TTF2: variants seen among roughly 807,000 people sequenced by gnomAD.
TTF2 encodes RNA polymerase II termination factor.
Under a neutral mutation model 142.4 loss-of-function variants are expected in TTF2, and 108 were observed. That is an observed-to-expected ratio of 0.76 (90% CI 0.65 to 0.89). The LOEUF (loss-of-function observed/expected upper bound fraction) is 0.89, where lower values mean the gene tolerates loss of function less well. Ranked by LOEUF, TTF2 falls within the 40% of genes least tolerant of loss-of-function variation. The pLI is 0.00. For missense variants in TTF2, 1,327 were observed against 1,379.8 expected (o/e 0.96, Z 0.61); for synonymous variants, 483 against 506.2 (o/e 0.95, Z 0.61).
In TTF2 at chr1:117,090,547, C is replaced by T. The variant is rs772425404; in HGVS notation, c.2512C>T (p.Arg838Cys). Residue 838 changes from arginine to cysteine, a missense_variant, in exon 15 of 23, where the codon CGT (arginine) becomes TGT (cysteine). Transcript: ENST00000369466. The surrounding 1 kb of genome is among the most constrained non-coding windows in gnomAD (Gnocchi z 4.8). ...ATTCTTCCAGGTGATACTGCCCCAG[C>T]GTAAATTTCAGTTGCACCATTTAAA... ...TGRPLVILPQ[R>C]KFQLHHLKLS... 66 of 1,613,574 alleles carry T rather than the reference C, an allele frequency of 4.1e-5. No individual in the cohort carries two copies. In the Middle Eastern group the frequency reaches 4.9e-4, roughly 12 times the overall value.
Position 117,093,659 on chromosome 1 carries a change from T to C in TTF2, c.2976+758T>C, listed in dbSNP as rs116207912. ...GCCTTTTAATTAAAATTTGAAAACA[T>C]TTACCTAGGTCTTTACCACTGATAG... On this transcript the variant is annotated intron_variant, in intron 18 of 22. Coordinates refer to ENST00000369466, the MANE Select transcript of TTF2 (RefSeq NM_003594.4). The surrounding 1 kb of genome is among the most constrained non-coding windows in gnomAD (Gnocchi z 4.5). Among the ~76,000 whole-genome samples, 92 of 152,270 alleles carry C rather than the reference T, an allele frequency of 6.0e-4. No homozygotes were observed. Among genetic ancestry groups the C allele is most frequent in the African/African-American group, 2.2e-3 (91 of 41,552 alleles).
At position 117,076,384 on chromosome 1, in the gene TTF2, C is replaced by A; in HGVS notation, c.1390+90C>A. On this transcript the variant is annotated intron_variant, in intron 6 of 22. Coordinates refer to ENST00000369466, the MANE Select transcript of TTF2 (RefSeq NM_003594.4). This position sits in a 1 kb window ranked among gnomAD's most constrained non-coding sequence, Gnocchi z 4.6. ...CCTTTTAATAAAGAATGTGTTGATT[C>A]ATTCACTTTTCCATTTTATTATCTG... The A allele has an allele frequency of 9.2e-7, 1 of 1,084,872 alleles. No homozygotes were observed. The highest frequency in any genetic ancestry group is 1.3e-6 in the Non-Finnish European group (1 of 751,828). 67.2% of individuals were successfully genotyped at this position (1,084,872 alleles called of 1,614,324 possible).
chr1:117,084,967 AC>A (rs1160723374), intron 11 of TTF2, among the ~76,000 whole-genome samples: 1 of 152,138 alleles, frequency 6.6e-6, no homozygotes, highest in Non-Finnish European at 1.5e-5. Flanking sequence ...AGTTCTCATG[AC>A]TGAGAGTCGC....
chr1:117,090,083 T>A lies in TTF2; in HGVS notation c.2371T>A (p.Phe791Ile). 1.2e-6 allele frequency: 2 copies of A among 1,613,998 alleles called. No individual in the cohort carries two copies. Among genetic ancestry groups the A allele is most frequent in the Non-Finnish European group, 1.7e-6 (2 of 1,179,902 alleles). ...TCTCCGTTGCTCTCCATTTGATGAG[T>A]TCAATCTGTGGAGGAGTCAGGTTGA... is the stretch of plus-strand genomic sequence containing the variant. Reference protein sequence around the residue: ...KFLRCSPFDEFNLWRSQVDNG... With the variant: ...KFLRCSPFDEINLWRSQVDNG... The change falls in exon 14 of 23, where the codon TTC (phenylalanine) becomes ATC (isoleucine). Residue 791 changes from phenylalanine (F) to isoleucine (I), a missense_variant. By Grantham distance (21) the Phe-to-Ile change is conservative. Coordinates refer to ENST00000369466, the MANE Select transcript of TTF2 (RefSeq NM_003594.4). This position sits in a 1 kb window ranked among gnomAD's most constrained non-coding sequence, Gnocchi z 4.8.
Position 117,092,819 on chromosome 1 carries a change from A to G in TTF2, c.2894A>G (p.Asp965Gly). The change falls in exon 18 of 23, where the codon GAC becomes GGC. Residue 965 changes from aspartate to glycine, a missense_variant. Physicochemically the swap from Asp to Gly is moderately conservative, Grantham distance 94. Transcript: ENST00000369466. This position sits in a 1 kb window ranked among gnomAD's most constrained non-coding sequence, Gnocchi z 4.4. ...LSALTLSELRDSEPSSTVSLN... is the reference protein window; with the variant it reads ...LSALTLSELRGSEPSSTVSLN... ...GCTTTGACCTTGTCAGAACTCCGTG[A>G]CTCAGAGCCATCTTCCACTGTTTCC... 6.2e-7 allele frequency: 1 copy of G among 1,614,198 alleles called. No individual in the cohort carries two copies.
At chr1:117,061,316 A>G (rs1283812798) in intron 2 of TTF2, among the ~76,000 whole-genome samples, 1 of 152,230 alleles carries the variant, frequency 6.6e-6, no homozygotes, top group Non-Finnish European at 1.5e-5. Flanking sequence ...AGAGTCAGAA[A>G]TGTTAAGCAT....
Position 117,099,600 on chromosome 1 carries a change from A to G in TTF2, c.3344+693A>G, listed in dbSNP as rs1649422981. On this transcript the variant is annotated intron_variant, in intron 22 of 22. Coordinates refer to ENST00000369466, the MANE Select transcript of TTF2 (RefSeq NM_003594.4). The surrounding 1 kb of genome is among the most constrained non-coding windows in gnomAD (Gnocchi z 4.3). ...ACATTTTGATGAGCATGAGCCAGTT[A>G]TTTTGCAAAATGTCCTCTGTTTTGG... Among the ~76,000 whole-genome samples, 1 of 152,136 alleles carries G rather than the reference A, an allele frequency of 6.6e-6. No homozygotes were observed. The highest frequency in any genetic ancestry group is 1.5e-5 in the Non-Finnish European group (1 of 68,018).
chr1:117,104,428 G>T lies in TTF2; in HGVS notation c.*2904G>T, dbSNP rs1290167807. 1 of 152,218 alleles carries T rather than the reference G, an allele frequency of 6.6e-6. No homozygotes were observed. Among genetic ancestry groups the T allele is most frequent in the African/African-American group, 2.4e-5 (1 of 41,450 alleles). 9.4% of individuals were successfully genotyped at this position (152,218 alleles called of 1,614,324 possible). A position where few individuals can be genotyped will look rare whatever the true frequency, so the allele number is the denominator to read the frequency against. ...TGTTTAGGGGAGAGGAATTCTTTCA[G>T]GTTCAAGCATTCTGGCTTTTAGTTT... On this transcript the variant is annotated 3_prime_UTR_variant, in exon 23 of 23. Transcript: ENST00000369466.
rs1401471606 is a variant in TTF2 at position 117,063,138 on chromosome 1, C to T, written c.218+665C>T. On this transcript the variant is annotated intron_variant, in intron 3 of 22. Coordinates refer to ENST00000369466, the MANE Select transcript of TTF2 (RefSeq NM_003594.4). This position sits in a 1 kb window ranked among gnomAD's most constrained non-coding sequence, Gnocchi z 4.1. ...TGATAGATGGTCTTTGTGTGATATTCTATGCACTTCATAATTTATATATTC... is the reference window on the plus strand; with the variant it reads ...TGATAGATGGTCTTTGTGTGATATTTTATGCACTTCATAATTTATATATTC... 6.6e-6 allele frequency among the ~76,000 whole-genome samples: 1 copy of T among 152,138 alleles called. No individual in the cohort carries two copies.
rs374775928 is a variant in TTF2, at chr1:117,106,602, G to C, written c.*5078G>C. 1 of 152,220 alleles carries C rather than the reference G, an allele frequency of 6.6e-6. No homozygotes were observed. The highest frequency in any genetic ancestry group is 2.4e-5 in the African/African-American group (1 of 41,454). The allele number at this position is 152,220 out of a possible 1,614,324, so 9.4% of individuals were successfully genotyped here. On this transcript the variant is annotated 3_prime_UTR_variant, in exon 23 of 23. Coordinates refer to ENST00000369466, the MANE Select transcript of TTF2 (RefSeq NM_003594.4). ...AGGGAGACAGGCATTAGTCAACCCC[G>C]TGTGGCTGTGAATCAGCCATGATGC...
Position 117,097,493 on chromosome 1 carries a change from A to C in TTF2, c.3269+60A>C, listed in dbSNP as rs1649255939. On this transcript the variant is annotated intron_variant, in intron 21 of 22. Coordinates refer to ENST00000369466, the MANE Select transcript of TTF2 (RefSeq NM_003594.4). The surrounding 1 kb of genome is among the most constrained non-coding windows in gnomAD (Gnocchi z 4.1). ...CACATCAAGGAGGCCAGTGGGCTACAGGGGCAGCAAGAACTGACTTCTTAT... is the reference window on the plus strand; with the variant it reads ...CACATCAAGGAGGCCAGTGGGCTACCGGGGCAGCAAGAACTGACTTCTTAT... The C allele has an allele frequency of 6.7e-7, 1 of 1,488,162 alleles. No homozygotes were observed. The highest frequency in any genetic ancestry group is 9.4e-7 in the Non-Finnish European group (1 of 1,065,350). The allele number at this position is 1,488,162 out of a possible 1,614,324, so 92.2% of individuals were successfully genotyped here.
In TTF2 at chr1:117,085,827, A is replaced by G. The variant is rs368975079; in HGVS notation, c.2055-590A>G. ...TGTGTTTCTCATTAATAATCTTTAT[A>G]TGTAAGGAGTATAAGCAAGATACAC... On this transcript the variant is annotated intron_variant, in intron 11 of 22. Transcript: ENST00000369466. This position sits in a 1 kb window ranked among gnomAD's most constrained non-coding sequence, Gnocchi z 4.7. Among the ~76,000 whole-genome samples, 25 of 152,300 alleles carry G rather than the reference A, an allele frequency of 1.6e-4. No individual in the cohort carries two copies. In the East Asian group the frequency reaches 1.7e-3, roughly 11 times the overall value.
Position 117,079,694 on chromosome 1 carries a change from C to A in TTF2, c.1783+45C>A, listed in dbSNP as rs757942956. On this transcript the variant is annotated intron_variant, in intron 9 of 22. Coordinates refer to ENST00000369466, the MANE Select transcript of TTF2 (RefSeq NM_003594.4). The surrounding 1 kb of genome is among the most constrained non-coding windows in gnomAD (Gnocchi z 4.2). ...AGTCAGCCTTTATTGAATGCTTAGG[C>A]ATTGTGCTAAACACGTAGTGTTGTT... The A allele has an allele frequency of 1.3e-5, 21 of 1,562,856 alleles. No homozygotes were observed. Among genetic ancestry groups the A allele is most frequent in the Non-Finnish European group, 1.8e-5 (20 of 1,133,158 alleles).
chr1:117,097,573 T>C lies in TTF2; in HGVS notation c.3269+140T>C. The C allele has an allele frequency of 5.0e-6, 4 of 804,438 alleles. No homozygotes were observed. The highest frequency in any genetic ancestry group is 8.5e-6 in the Non-Finnish European group (4 of 469,952). 49.8% of individuals were successfully genotyped at this position (804,438 alleles called of 1,614,324 possible). A position where few individuals can be genotyped will look rare whatever the true frequency, so the allele number is the denominator to read the frequency against. The stretch of plus-strand genomic sequence containing the variant: ...GCCTTGCTTTGTATGTGTCTATAGA[T>C]ACAGATCTAAGCAGGGTATAGGGCT... On this transcript the variant is annotated intron_variant, in intron 21 of 22. Coordinates refer to ENST00000369466, the MANE Select transcript of TTF2 (RefSeq NM_003594.4). The surrounding 1 kb of genome is among the most constrained non-coding windows in gnomAD (Gnocchi z 4.1).
Position 117,090,067 on chromosome 1 carries a change from C to T in TTF2, c.2355C>T (p.Cys785=), listed in dbSNP as rs1648431172. 7.4e-6 allele frequency: 12 copies of T among 1,613,462 alleles called. No individual in the cohort carries two copies. The highest frequency in any genetic ancestry group is 1.0e-5 in the Non-Finnish European group (12 of 1,179,662). Residue 785 remains cysteine, a synonymous_variant, in exon 14 of 23, where the codon TGC becomes TGT. Transcript: ENST00000369466. This position sits in a 1 kb window ranked among gnomAD's most constrained non-coding sequence, Gnocchi z 4.8. ...CTCAACAAAAAAGGTTTCTCCGTTGCTCTCCATTTGATGAGTTCAATCTGT... is the reference window on the plus strand; with the variant it reads ...CTCAACAAAAAAGGTTTCTCCGTTGTTCTCCATTTGATGAGTTCAATCTGT... ...DMYSLLKFLR[C]SPFDEFNLWR...
intron 16 of TTF2, 47 bp downstream of exon 16, chr1:117,091,457 G>T (rs748727766): frequency 1.2e-5 from 18 of 1,553,024 alleles, no homozygotes; most frequent in Non-Finnish European, 1.5e-5. Context: ...TGAAAATGGG[G>T]ATTTGGATTC....
At chr1:117,067,524 CA>C (rs1161287519) in intron 3 of TTF2, among the ~76,000 whole-genome samples, 5,294 of 40,976 alleles carry the variant, frequency 0.13, 81 homozygotes, top group African/African-American at 0.23. Context: ...GACTCAGTCT[CA>C]AAAAAAAAAA....
chr1:117,083,775 T>C (rs535662776), intron 10 of TTF2, among the ~76,000 whole-genome samples: 1 of 152,276 alleles, frequency 6.6e-6, no homozygotes, highest in South Asian at 2.1e-4. Context: ...GTTAAACATA[T>C]TAATTGAAGG....
intron 10 of TTF2, among the ~76,000 whole-genome samples, 188 bp from the exon 11 acceptor site, chr1:117,083,830 G>T (rs1647760909): frequency 6.6e-6 from 1 of 152,168 alleles, no homozygotes; most frequent in South Asian, 2.1e-4. Flanking sequence ...TAAGTTAAAG[G>T]CCGGTCAAAC....
Sources: allele counts gnomAD v4.1 joint callset (sites outside exome capture counted in the v4.1 genomes callset), GRCh38; gene constraint gnomAD v4.1.1; non-coding constraint Gnocchi (gnomAD v3.1); transcripts MANE v1.5; gene names NCBI Gene and HGNC (gene_info 2026-07-23, HGNC 2026-07-21).